Variants in CACNA1B observed in about 807,000 individuals in gnomAD.
The protein encoded by CACNA1B is voltage-dependent N-type calcium channel subunit alpha-1B.
CACNA1B carries 70 observed loss-of-function variants against 247.2 expected under a neutral mutation model. The observed-to-expected ratio is 0.28, with a 90% CI of 0.23 to 0.35. CACNA1B has a LOEUF of 0.35. Ranked by LOEUF, CACNA1B falls within the 10% of genes least tolerant of loss-of-function variation. CACNA1B has a pLI of 1.00. For synonymous variants in CACNA1B, 1,231 were observed against 1,294.4 expected, an observed-to-expected ratio of 0.95 and a Z score of 1.05; for missense variants, 2,367 against 3,197.4, an observed-to-expected ratio of 0.74 and a Z score of 6.26.
intron 18 of CACNA1B, among the ~76,000 whole-genome samples, chr9:138,015,920 T>TCA (rs372575331): frequency 2.0e-5 from 3 of 151,106 alleles, no homozygotes; most frequent in Non-Finnish European, 3.0e-5. Flanking sequence ...ACACTGACAC[T>TCA]CACACACACA....
In CACNA1B at chr9:138,118,787, T is replaced by A; in HGVS notation, c.6030+19T>A. 1 of 1,195,698 alleles carries A rather than the reference T, an allele frequency of 8.4e-7. No individual in the cohort carries two copies. Among genetic ancestry groups the A allele is most frequent in the Non-Finnish European group, 1.2e-6 (1 of 841,040 alleles). The allele number at this position is 1,195,698 out of a possible 1,614,324, so 74.1% of individuals were successfully genotyped here. Reference sequence around the variant, plus strand: ...GACTCAGGTAGGTGGTCTGGGAGGGTCCAGGCCCTGGGCTGGGCAAGTGGG... The same window carrying A: ...GACTCAGGTAGGTGGTCTGGGAGGGACCAGGCCCTGGGCTGGGCAAGTGGG... On this transcript the variant is annotated intron_variant, in intron 44 of 46. Transcript: ENST00000371372.
chr9:138,039,806 A>G (rs968609897), intron 20 of CACNA1B, among the ~76,000 whole-genome samples: 3 of 151,946 alleles, frequency 2.0e-5, no homozygotes, highest in African/African-American at 7.3e-5. Context: ...TCCGAGGGAT[A>G]TGTTTTCTCT....
In CACNA1B at chr9:137,990,775, G is replaced by A. The variant is rs1958422734; in HGVS notation, c.1974+3921G>A. Among the ~76,000 whole-genome samples, 1 of 152,228 alleles carries A rather than the reference G, an allele frequency of 6.6e-6. No homozygotes were observed. The highest frequency in any genetic ancestry group is 1.5e-5 in the Non-Finnish European group (1 of 68,054). ...AGACCTGAAGATGGATCACATCACA[G>A]GACTCTTGACAGACACTCCCCAGTA... On this transcript the variant is annotated intron_variant, in intron 15 of 46. Coordinates refer to ENST00000371372, the MANE Select transcript of CACNA1B (RefSeq NM_000718.4). This position sits in a 1 kb window ranked among gnomAD's most constrained non-coding sequence, Gnocchi z 4.5.
At chr9:138,115,403 T>C in intron 41 of CACNA1B, 149 bp from the exon 42 acceptor site, 1 of 740,572 alleles carries the variant, frequency 1.4e-6, no homozygotes. Flanking sequence ...TCAGGGAAAG[T>C]AAGCGGCCCC....
chr9:137,946,761 A>C (rs539296569), intron 6 of CACNA1B, among the ~76,000 whole-genome samples: 1 of 152,290 alleles, frequency 6.6e-6, no homozygotes, highest in East Asian at 1.9e-4. Context: ...AAGTGTCCTG[A>C]GTTGGAAAGA....
At chr9:138,076,742 G>A (rs926515771) in intron 35 of CACNA1B, among the ~76,000 whole-genome samples, 3 of 152,226 alleles carry the variant, frequency 2.0e-5, no homozygotes, top group Non-Finnish European at 4.4e-5. Flanking sequence ...AGGACAGAAG[G>A]AAGGAGCTCT....
intron 36 of CACNA1B, among the ~76,000 whole-genome samples, chr9:138,088,510 G>C (rs553084081): frequency 6.6e-6 from 1 of 152,216 alleles, no homozygotes; most frequent in Non-Finnish European, 1.5e-5. Context: ...GATCATTAGT[G>C]ACTATTATGA....
At chr9:138,105,871 T>A in intron 39 of CACNA1B, 64 bp downstream of exon 39, 1 of 907,960 alleles carries the variant, frequency 1.1e-6, no homozygotes, top group Non-Finnish European at 1.7e-6. Context: ...GCCCTCAGTG[T>A]CAGCCCCAGG....
intron 16 of CACNA1B, among the ~76,000 whole-genome samples, chr9:138,009,168 C>T (rs1958692187): frequency 6.6e-6 from 1 of 152,306 alleles, no homozygotes; most frequent in East Asian, 1.9e-4. Context: ...AGAAGGAGGC[C>T]GCACACCCCA....
At chr9:138,101,109 G>A (rs778519647) in intron 37 of CACNA1B, 5 of 532,682 alleles carry the variant, frequency 9.4e-6, no homozygotes, top group Middle Eastern at 3.2e-4. Context: ...TCCAGTTGCC[G>A]GATTCATTAT....
At chr9:137,907,000 C>G (rs544935092) in intron 3 of CACNA1B, among the ~76,000 whole-genome samples, 19 of 152,342 alleles carry the variant, frequency 1.2e-4, no homozygotes, top group South Asian at 8.3e-4. Context: ...ATTCTCTTCT[C>G]TTTCTCTTTT....
intron 6 of CACNA1B, among the ~76,000 whole-genome samples, chr9:137,934,146 G>A (rs996691978): frequency 5.9e-5 from 9 of 152,126 alleles, no homozygotes; most frequent in South Asian, 2.1e-4. Context: ...CTTATTTTTC[G>A]GCTGTCTTTT....
Position 137,971,663 on chromosome 9 carries a change from T to C in CACNA1B, c.1543+71T>C. 1.5e-6 allele frequency: 2 copies of C among 1,343,836 alleles called. No homozygotes were observed. The highest frequency in any genetic ancestry group is 2.1e-6 in the Non-Finnish European group (2 of 959,274). The allele number at this position is 1,343,836 out of a possible 1,614,324, so 83.2% of individuals were successfully genotyped here. On this transcript the variant is annotated intron_variant, in intron 11 of 46. Transcript: ENST00000371372. This position sits in a 1 kb window ranked among gnomAD's most constrained non-coding sequence, Gnocchi z 4.4. ...CTCTCAGTCTGGAAACCCTGGTCCATGCCCTGGGGCTACCCCAGGTGGGAC... is the reference window on the plus strand; with the variant it reads ...CTCTCAGTCTGGAAACCCTGGTCCACGCCCTGGGGCTACCCCAGGTGGGAC...
At chr9:138,091,336 A>G (rs1301324066) in intron 36 of CACNA1B, among the ~76,000 whole-genome samples, 3 of 152,214 alleles carry the variant, frequency 2.0e-5, no homozygotes, top group Non-Finnish European at 4.4e-5. Context: ...CTAAAAAAAA[A>G]TTGCTCTCAT....
chr9:138,115,397 G>C (rs1270178663), intron 41 of CACNA1B, among the ~76,000 whole-genome samples, 155 bp from the exon 42 acceptor site: 1 of 152,194 alleles, frequency 6.6e-6, no homozygotes, highest in Non-Finnish European at 1.5e-5. Context: ...GACATATCAG[G>C]GAAAGTAAGC....
At chr9:138,049,849 G>A (rs1959217786) in intron 24 of CACNA1B, among the ~76,000 whole-genome samples, 1 of 152,236 alleles carries the variant, frequency 6.6e-6, no homozygotes, top group South Asian at 2.1e-4. Flanking sequence ...GGCTGGAAAT[G>A]GAGTTGGCTT....
Position 137,984,169 on chromosome 9 carries a change from G to A in CACNA1B, c.1688G>A (p.Trp563Ter). ...VIVGSVFEVV[W>*]AAIKPGSSFG... ...GTGGGGAGCGTCTTTGAAGTGGTCT[G>A]GGCGGCCATCAAGCCGGGAAGCTCC... is the stretch of plus-strand genomic sequence containing the variant. The change falls in exon 13 of 47, where the codon TGG becomes TAG. Residue 563 changes from tryptophan (W) to a stop codon, truncating the protein, a stop_gained. Transcript: ENST00000371372. LOFTEE classifies it high-confidence loss of function. 1 of 1,603,058 alleles carries A rather than the reference G, an allele frequency of 6.2e-7. No individual in the cohort carries two copies. The highest frequency in any genetic ancestry group is 8.5e-7 in the Non-Finnish European group (1 of 1,175,284).
chr9:137,958,313 C>G (rs1010644464), intron 10 of CACNA1B, among the ~76,000 whole-genome samples: 7 of 152,220 alleles, frequency 4.6e-5, no homozygotes, highest in African/African-American at 1.7e-4. Flanking sequence ...TTAACAACTT[C>G]CAATGTACCC....
Position 138,114,189 on chromosome 9 carries a change from C to T in CACNA1B, c.5537-189C>T, listed in dbSNP as rs111977279. Among the ~76,000 whole-genome samples the T allele has an allele frequency of 9.6e-3, 1,467 of 152,224 alleles. 7 individuals carry two copies. The highest frequency in any genetic ancestry group is 0.013 in the Non-Finnish European group (891 of 68,008). On this transcript the variant is annotated intron_variant, in intron 40 of 46. Coordinates refer to ENST00000371372, the MANE Select transcript of CACNA1B (RefSeq NM_000718.4). ...GGGCCAGGTCAGCATCTGGAGGAGC[C>T]CTAGGTAGGCCAAACTCCTGGTGGC...
Sources: gnomAD v4.1 joint callset for allele counts (sites outside exome capture counted in the v4.1 genomes callset) on GRCh38, gnomAD v4.1.1 for gene constraint, Gnocchi (gnomAD v3.1) non-coding constraint, MANE v1.5 for transcripts, NCBI Gene and HGNC (gene_info 2026-07-23, HGNC 2026-07-21) for gene names.